Variants in TENM4 observed in about 807,000 individuals in gnomAD.
The protein encoded by TENM4 is teneurin transmembrane protein 4, also known as teneurin-4.
A neutral mutation model predicts 243.3 loss-of-function variants in TENM4; 82 were observed. That is an observed-to-expected ratio of 0.34 (90% confidence interval 0.28 to 0.40). The LOEUF (loss-of-function observed/expected upper bound fraction) is 0.40, where lower values mean the gene tolerates loss of function less well. TENM4 is among the 10% of genes least tolerant of loss of function. The pLI is 1.00. For synonymous variants in TENM4, 1,412 were observed against 1,456.3 expected, an observed-to-expected ratio of 0.97 and a Z score of 0.69; for missense variants, 3,138 against 3,673.3, an observed-to-expected ratio of 0.85 and a Z score of 3.77.
intron 3 of TENM4, among the ~76,000 whole-genome samples, chr11:79,170,480 T>C (rs1032564586): frequency 2.0e-5 from 3 of 152,192 alleles, no homozygotes; most frequent in African/African-American, 7.2e-5. Context: ...CAGATGTAAT[T>C]AGTTTAGTTA....
At chr11:79,114,367 A>G (rs1431678236) in intron 4 of TENM4, among the ~76,000 whole-genome samples, 1 of 152,224 alleles carries the variant, frequency 6.6e-6, no homozygotes. Flanking sequence ...GAGGAGATTA[A>G]TATCTTATAC....
At chr11:79,359,937 A>G (rs1298795425) in intron 1 of TENM4, among the ~76,000 whole-genome samples, 1 of 152,094 alleles carries the variant, frequency 6.6e-6, no homozygotes, top group African/African-American at 2.4e-5. Context: ...TTATGTCACC[A>G]TGTGGGGAAA....
At chr11:79,219,680 T>C (rs560067490) in intron 2 of TENM4, among the ~76,000 whole-genome samples, 7 of 152,286 alleles carry the variant, frequency 4.6e-5, no homozygotes, top group Middle Eastern at 3.4e-3. Context: ...AGGCAAGTCA[T>C]AAAGCAAGCT....
At chr11:79,006,871 G>A (rs1858498601) in intron 6 of TENM4, among the ~76,000 whole-genome samples, 1 of 152,196 alleles carries the variant, frequency 6.6e-6, no homozygotes. Context: ...CATTATTCTG[G>A]ATGTTTCTGT....
intron 3 of TENM4, among the ~76,000 whole-genome samples, chr11:79,177,776 A>G (rs1863195474): frequency 6.6e-6 from 1 of 152,126 alleles, no homozygotes; most frequent in Non-Finnish European, 1.5e-5. Flanking sequence ...GGCAGCAAGG[A>G]GGCAGGTGTG....
chr11:78,905,636 C>T (rs903350499), intron 6 of TENM4, among the ~76,000 whole-genome samples: 1 of 152,154 alleles, frequency 6.6e-6, no homozygotes, highest in Admixed American at 6.5e-5. Flanking sequence ...TCTGAATGGC[C>T]AAAACCTCAA....
intron 1 of TENM4, among the ~76,000 whole-genome samples, chr11:79,344,535 G>T (rs1172404797): frequency 6.6e-6 from 1 of 151,886 alleles, no homozygotes; most frequent in Non-Finnish European, 1.5e-5. Context: ...CCCAGAAGGG[G>T]TCTGCATGCA....
chr11:79,397,870 G>A (rs1858377797), intron 1 of TENM4, among the ~76,000 whole-genome samples: 1 of 152,144 alleles, frequency 6.6e-6, no homozygotes, highest in Non-Finnish European at 1.5e-5. Flanking sequence ...TCAAATAGAG[G>A]TTGCATGGTA....
chr11:78,964,486 C>T (rs1484245512), intron 6 of TENM4, among the ~76,000 whole-genome samples: 2 of 152,176 alleles, frequency 1.3e-5, no homozygotes, highest in African/African-American at 2.4e-5. Context: ...GACCAAGGTA[C>T]AACCTCTGGG....
chr11:78,761,408 T>G (rs1477912851), intron 18 of TENM4, among the ~76,000 whole-genome samples: 5 of 151,908 alleles, frequency 3.3e-5, no homozygotes, highest in Non-Finnish European at 7.4e-5. Context: ...CCCAGCTAAT[T>G]TATTGTATTT....
chr11:78,847,389 G>A (rs1398848971), intron 12 of TENM4, among the ~76,000 whole-genome samples: 1 of 152,204 alleles, frequency 6.6e-6, no homozygotes, highest in Admixed American at 6.5e-5. Flanking sequence ...GCTGGGGGTG[G>A]GGACAGTGGG....
intron 18 of TENM4, among the ~76,000 whole-genome samples, chr11:78,758,828 G>A (rs1484772643): frequency 6.6e-6 from 1 of 152,144 alleles, no homozygotes; most frequent in Non-Finnish European, 1.5e-5. Context: ...ACTGTCTGGG[G>A]TCAAATCCTG....
intron 4 of TENM4, among the ~76,000 whole-genome samples, chr11:79,132,299 T>C (rs1399080213): frequency 1.5e-5 from 2 of 132,876 alleles, no homozygotes; most frequent in East Asian, 2.2e-4. Flanking sequence ...TGAGCTGAGA[T>C]AGCGCCACTG....
intron 15 of TENM4, among the ~76,000 whole-genome samples, chr11:78,801,367 G>A (rs1408183682): frequency 6.6e-6 from 1 of 152,150 alleles, no homozygotes; most frequent in Non-Finnish European, 1.5e-5. Flanking sequence ...TGCTCTTCTG[G>A]GGCATAAGAA....
chr11:79,287,770 T>G (rs935774759), intron 2 of TENM4, among the ~76,000 whole-genome samples: 3 of 152,128 alleles, frequency 2.0e-5, no homozygotes, highest in Non-Finnish European at 2.9e-5. Context: ...ATCATGAGGA[T>G]TCTAGATTCT....
chr11:79,226,476 A>T (rs1234852856), intron 2 of TENM4, among the ~76,000 whole-genome samples: 2 of 152,222 alleles, frequency 1.3e-5, no homozygotes, highest in Non-Finnish European at 2.9e-5. Flanking sequence ...ATAACCATTG[A>T]ACACAGGCCC....
At chr11:78,941,758 A>T (rs1856901098) in intron 6 of TENM4, among the ~76,000 whole-genome samples, 1 of 152,212 alleles carries the variant, frequency 6.6e-6, no homozygotes, top group African/African-American at 2.4e-5. Context: ...CTCACCTCAC[A>T]AAGCTGTCCC....
At chr11:79,325,815 C>T (rs1242233344) in intron 1 of TENM4, among the ~76,000 whole-genome samples, 1 of 152,192 alleles carries the variant, frequency 6.6e-6, no homozygotes, top group Non-Finnish European at 1.5e-5. Context: ...CCAAATGGCT[C>T]CTTAACCCCA....
chr11:78,704,157 G>GTGTGTATATATATATA (rs1201390547), intron 27 of TENM4, among the ~76,000 whole-genome samples: 3 of 70,536 alleles, frequency 4.3e-5, no homozygotes, highest in African/African-American at 1.8e-4. Flanking sequence ...ATGTATGTGT[G>GTGTGTATATATATATA]TCTATATATA....
Sources: allele counts gnomAD v4.1 joint callset (sites outside exome capture counted in the v4.1 genomes callset), GRCh38; gene constraint gnomAD v4.1.1; transcripts MANE v1.5; gene names NCBI Gene and HGNC (gene_info 2026-07-23, HGNC 2026-07-21).